MLIP: variants seen among roughly 807,000 people sequenced by gnomAD.
MLIP encodes the protein muscular LMNA-interacting protein.
In MLIP, 79 loss-of-function variants were observed where a neutral mutation model predicts 84.8. The observed-to-expected ratio is 0.93, with a 90% confidence interval of 0.78 to 1.12. The LOEUF is 1.12. MLIP is among the 50% of genes most tolerant of loss of function. The pLI is 0.00. For synonymous variants in MLIP, 504 were observed against 463.0 expected, an observed-to-expected ratio of 1.09 and a Z score of -1.14; for missense variants, 1,257 against 1,160.6, an observed-to-expected ratio of 1.08 and a Z score of -1.21.
intron 12 of MLIP, 90 bp from the exon 13 acceptor site, chr6:54,257,218 G>C: frequency 1.1e-6 from 1 of 870,460 alleles, no homozygotes; most frequent in Non-Finnish European, 1.9e-6. Flanking sequence ...AAATATTTAT[G>C]TCATTGTCAA....
At position 54,241,128 on chromosome 6, in the gene MLIP, T is replaced by C. The variant is rs183820807; in HGVS notation, c.2922+10211T>C. ...GTAATAACAGACGTTTCTTTTTTTT[T>C]GCCTTTTAAATTCTCTAATGATTCA... On this transcript the variant is annotated intron_variant, in intron 12 of 13. Transcript: ENST00000502396. Among the ~76,000 whole-genome samples, 59 of 152,142 alleles carry C rather than the reference T, an allele frequency of 3.9e-4. 1 individual carries two copies. The East Asian group carries it at 0.011, about 29-fold the overall frequency.
At chr6:54,141,957 T>C (rs992394912) in intron 4 of MLIP, among the ~76,000 whole-genome samples, 1 of 152,250 alleles carries the variant, frequency 6.6e-6, no homozygotes, top group East Asian at 1.9e-4. Flanking sequence ...CATAAAACTT[T>C]ATAACTGGTG....
rs190713112 is a variant in MLIP, at chr6:54,210,705, T to C, written c.2718+8472T>C. On this transcript the variant is annotated intron_variant, in intron 11 of 13. Transcript: ENST00000502396. ...CCTGACTATGATGCCCCTGTGTGCA[T>C]TTACAATAAAGACTCCAACGGAGGG... Among the ~76,000 whole-genome samples, 312 of 126,792 alleles carry C rather than the reference T, an allele frequency of 2.5e-3. 1 individual carries two copies. Among genetic ancestry groups the C allele is most frequent in the African/African-American group, 8.5e-3 (299 of 35,294 alleles). The allele number at this position is 126,792 out of a possible 152,430, so 83.2% of individuals were successfully genotyped here. A position where few individuals can be genotyped will look rare whatever the true frequency, so the allele number is the denominator to read the frequency against.
intron 1 of MLIP, among the ~76,000 whole-genome samples, chr6:54,082,716 G>T (rs2150359697): frequency 6.6e-6 from 1 of 151,732 alleles, no homozygotes; most frequent in South Asian, 2.1e-4. Context: ...TTATGATTTT[G>T]ATTTGCATTT....
chr6:54,258,769 AG>A (rs1783191312), intron 13 of MLIP, among the ~76,000 whole-genome samples: 1 of 152,018 alleles, frequency 6.6e-6, no homozygotes. Flanking sequence ...TTTAGAGATG[AG>A]GAAACTAAAG....
intron 1 of MLIP, among the ~76,000 whole-genome samples, chr6:54,093,029 A>T (rs1368714762): frequency 6.6e-6 from 1 of 152,096 alleles, no homozygotes; most frequent in Non-Finnish European, 1.5e-5. Context: ...GGCATGCACC[A>T]CCATGCCCAG....
At chr6:54,233,347 G>C (rs1386566846) in intron 12 of MLIP, among the ~76,000 whole-genome samples, 2 of 141,368 alleles carry the variant, frequency 1.4e-5, no homozygotes, top group East Asian at 2.1e-4. Context: ...CCCCCCAACA[G>C]GCCCCAGTGT....
At chr6:54,092,616 A>G (rs1449533085) in intron 1 of MLIP, among the ~76,000 whole-genome samples, 1 of 151,956 alleles carries the variant, frequency 6.6e-6, no homozygotes, top group Admixed American at 6.6e-5. Context: ...TAATTAATAT[A>G]TAAATAGTGG....
chr6:54,231,038 A>G (rs1355618261), intron 12 of MLIP, 121 bp downstream of exon 12: 21 of 697,784 alleles, frequency 3.0e-5, no homozygotes, highest in Middle Eastern at 4.1e-4. Context: ...AAATATCTAA[A>G]TGTATAAAGA....
intron 11 of MLIP, chr6:54,217,304 G>C (rs1458343594): frequency 1.0e-6 from 1 of 985,372 alleles, no homozygotes; most frequent in Non-Finnish European, 1.2e-6. Context: ...AAGCATTTCA[G>C]ATGTGCAGGC....
chr6:54,231,974 A>C (rs1781036366), intron 12 of MLIP, among the ~76,000 whole-genome samples: 1 of 152,178 alleles, frequency 6.6e-6, no homozygotes, highest in Non-Finnish European at 1.5e-5. Context: ...CAACTGAATG[A>C]TCAATTTTGA....
chr6:54,082,561 T>C (rs1048279368), intron 1 of MLIP, among the ~76,000 whole-genome samples: 2 of 152,242 alleles, frequency 1.3e-5, no homozygotes, highest in African/African-American at 4.8e-5. Flanking sequence ...GATGTATCCA[T>C]ATTCACCTTT....
chr6:54,167,116 T>C (rs1775277221), intron 8 of MLIP, among the ~76,000 whole-genome samples: 2 of 151,938 alleles, frequency 1.3e-5, no homozygotes, highest in African/African-American at 2.4e-5. Flanking sequence ...AAGAGTTTTG[T>C]CCCTATACCC....
At chr6:54,226,821 G>C (rs1780607845) in intron 11 of MLIP, among the ~76,000 whole-genome samples, 1 of 152,168 alleles carries the variant, frequency 6.6e-6, no homozygotes, top group Admixed American at 6.5e-5. Context: ...TTAAACACAA[G>C]ATTGCAGAAA....
chr6:54,249,740 T>TATAC (rs1420233378), intron 12 of MLIP, among the ~76,000 whole-genome samples: 55 of 146,122 alleles, frequency 3.8e-4, no homozygotes, highest in African/African-American at 1.3e-3. Flanking sequence ...CACACATATA[T>TATAC]ATATATACAC....
chr6:54,057,787 T>A (rs994789302), intron 1 of MLIP, among the ~76,000 whole-genome samples: 1 of 152,200 alleles, frequency 6.6e-6, no homozygotes, highest in Non-Finnish European at 1.5e-5. Context: ...CTTTAAGAAT[T>A]CCAAGATGCA....
intron 1 of MLIP, among the ~76,000 whole-genome samples, chr6:54,054,431 A>T (rs1458718381): frequency 1.3e-4 from 1 of 7,472 alleles, no homozygotes; most frequent in Non-Finnish European, 6.4e-4. Context: ...AAAAAAAGGC[A>T]AAAAAAAAAA....
chr6:54,088,355 C>G (rs1267787901), intron 1 of MLIP, among the ~76,000 whole-genome samples: 1 of 152,068 alleles, frequency 6.6e-6, no homozygotes, highest in African/African-American at 2.4e-5. Flanking sequence ...ACTTATTTTA[C>G]CCTTCTTTGC....
chr6:54,185,158 C>T (rs1777264867), intron 9 of MLIP, among the ~76,000 whole-genome samples: 1 of 152,130 alleles, frequency 6.6e-6, no homozygotes, highest in Admixed American at 6.5e-5. Flanking sequence ...TTCTAATAAA[C>T]AGCATTAACC....
Sources: gnomAD v4.1 joint callset for allele counts (sites outside exome capture counted in the v4.1 genomes callset) on GRCh38, gnomAD v4.1.1 for gene constraint, MANE v1.5 for transcripts, NCBI Gene and HGNC (gene_info 2026-07-23, HGNC 2026-07-21) for gene names.